The following ADGRL2 variants were observed in gnomAD, a reference collection of about 807,000 sequenced individuals.
The protein encoded by ADGRL2 is adhesion G protein-coupled receptor L2, also known as calcium-independent alpha-latrotoxin receptor 2.
Under a neutral mutation model 157.4 loss-of-function variants are expected in ADGRL2, and 44 were observed. The observed-to-expected ratio is 0.28, with a 90% confidence interval of 0.22 to 0.36. The LOEUF (loss-of-function observed/expected upper bound fraction) is 0.36. Ranked by LOEUF, ADGRL2 falls within the 10% of genes least tolerant of loss-of-function variation. ADGRL2 has a pLI of 1.00. For missense variants in ADGRL2, 1,510 were observed against 1,768.9 expected (o/e 0.85, Z 2.63); for synonymous variants, 585 against 624.7 (o/e 0.94, Z 0.95).
intron 2 of ADGRL2, among the ~76,000 whole-genome samples, chr1:81,446,403 T>C (rs2077598072): frequency 6.6e-6 from 1 of 152,186 alleles, no homozygotes; most frequent in Admixed American, 6.5e-5. Flanking sequence ...CGGATGATTA[T>C]GATCACCATT....
At chr1:81,505,372 C>T (rs1300042001) in intron 2 of ADGRL2, among the ~76,000 whole-genome samples, 1 of 150,972 alleles carries the variant, frequency 6.6e-6, no homozygotes, top group Non-Finnish European at 1.5e-5. Flanking sequence ...GCCAGTATGT[C>T]TTTCTCAGGG....
intron 1 of ADGRL2, among the ~76,000 whole-genome samples, chr1:81,336,020 C>A (rs908134850): frequency 1.3e-5 from 2 of 152,128 alleles, no homozygotes; most frequent in Non-Finnish European, 2.9e-5. Context: ...GTTTTAAGTG[C>A]AAGGCTGCTT....
intron 2 of ADGRL2, among the ~76,000 whole-genome samples, chr1:81,846,987 G>GTTT (rs148126563): frequency 4.0e-4 from 58 of 143,844 alleles, no homozygotes; most frequent in Middle Eastern, 3.6e-3. Context: ...GTGTTTTGTT[G>GTTT]TTTTTTTTTT....
chr1:81,652,528 T>A (rs192907691), intron 3 of ADGRL2, among the ~76,000 whole-genome samples: 15 of 152,328 alleles, frequency 9.8e-5, no homozygotes, highest in Admixed American at 9.1e-4. Context: ...ATATAACTAA[T>A]GTCATCAGAT....
chr1:81,713,467 C>T (rs72941110), intron 1 of ADGRL2, among the ~76,000 whole-genome samples: 1,803 of 152,192 alleles, frequency 0.012, 34 homozygotes, highest in African/African-American at 0.042. Flanking sequence ...TAATATTTAC[C>T]AACAGCCACT....
intron 10 of ADGRL2, 89 bp from the exon 11 acceptor site, chr1:81,955,787 TA>T (rs1653320429): frequency 1.3e-6 from 1 of 748,640 alleles, no homozygotes; most frequent in East Asian, 2.7e-5. Flanking sequence ...TCATGACAGA[TA>T]AATATTACAA....
At chr1:81,381,687 G>A (rs1241801561) in intron 1 of ADGRL2, among the ~76,000 whole-genome samples, 4 of 152,096 alleles carry the variant, frequency 2.6e-5, no homozygotes, top group African/African-American at 9.7e-5. Flanking sequence ...TGTTATTTAT[G>A]TTCTTCTAAT....
At chr1:81,670,226 C>T (rs1472675438) in intron 3 of ADGRL2, among the ~76,000 whole-genome samples, 4 of 152,156 alleles carry the variant, frequency 2.6e-5, no homozygotes, top group African/African-American at 4.8e-5. Flanking sequence ...CTTATTTTCA[C>T]GTGATTCTCC....
intron 2 of ADGRL2, among the ~76,000 whole-genome samples, chr1:81,902,403 G>A (rs1436954274): frequency 6.6e-6 from 1 of 152,156 alleles, no homozygotes; most frequent in Non-Finnish European, 1.5e-5. Context: ...TTTGAGACCA[G>A]CCTGGCCAAC....
intron 6 of ADGRL2, among the ~76,000 whole-genome samples, chr1:81,947,151 C>T (rs1348464021): frequency 6.6e-6 from 1 of 152,056 alleles, no homozygotes; most frequent in Non-Finnish European, 1.5e-5. Context: ...ATAAATAGAG[C>T]TCTATAAAAA....
intron 2 of ADGRL2, among the ~76,000 whole-genome samples, chr1:81,459,195 G>A (rs1184273262): frequency 6.6e-6 from 1 of 152,150 alleles, no homozygotes; most frequent in African/African-American, 2.4e-5. Flanking sequence ...TCTGGTTGTG[G>A]ACTCTATCCA....
intron 1 of ADGRL2, among the ~76,000 whole-genome samples, chr1:81,409,261 G>A (rs919839949): frequency 2.8e-5 from 4 of 144,776 alleles, no homozygotes; most frequent in Non-Finnish European, 4.5e-5. Context: ...GAATATAAAG[G>A]AGACACCTCC....
chr1:81,669,728 G>A (rs1179870420), intron 3 of ADGRL2, among the ~76,000 whole-genome samples: 13 of 152,034 alleles, frequency 8.6e-5, no homozygotes, highest in Admixed American at 2.6e-4. Flanking sequence ...GGATCATGAG[G>A]TCAGGAGATC....
chr1:81,760,069 A>T (rs2085821816), intron 1 of ADGRL2, among the ~76,000 whole-genome samples: 1 of 152,250 alleles, frequency 6.6e-6, no homozygotes, highest in Non-Finnish European at 1.5e-5. Context: ...TTTTTAAATC[A>T]ATGAAGTAGG....
chr1:81,680,960 C>G (rs1281436536), intron 3 of ADGRL2, among the ~76,000 whole-genome samples: 1 of 152,116 alleles, frequency 6.6e-6, no homozygotes, highest in African/African-American at 2.4e-5. Context: ...AATTTTTTGA[C>G]ACACATAGTT....
chr1:81,431,916 A>G (rs941637875), intron 1 of ADGRL2, among the ~76,000 whole-genome samples: 3 of 151,996 alleles, frequency 2.0e-5, no homozygotes, highest in African/African-American at 7.3e-5. Flanking sequence ...TGGGCTTTTT[A>G]CCTCTCTTTA....
chr1:81,315,492 TA>T (rs1282614503), intron 1 of ADGRL2, among the ~76,000 whole-genome samples: 1 of 152,140 alleles, frequency 6.6e-6, no homozygotes, highest in East Asian at 1.9e-4. Context: ...ATCTCCAAAA[TA>T]AAATAGTAAA....
intron 1 of ADGRL2, among the ~76,000 whole-genome samples, chr1:81,377,831 C>T (rs1456676969): frequency 6.6e-6 from 1 of 152,064 alleles, no homozygotes; most frequent in Admixed American, 6.6e-5. Context: ...TGATTTTGTA[C>T]CTAATTTTGA....
At chr1:81,651,634 TAG>T (rs2082421706) in intron 3 of ADGRL2, among the ~76,000 whole-genome samples, 1 of 152,218 alleles carries the variant, frequency 6.6e-6, no homozygotes, top group Non-Finnish European at 1.5e-5. Flanking sequence ...CCTTTAGACC[TAG>T]AGGAGGTTCA....
Sources: allele counts gnomAD v4.1 joint callset (sites outside exome capture counted in the v4.1 genomes callset), GRCh38; gene constraint gnomAD v4.1.1; transcripts MANE v1.5; gene names NCBI Gene and HGNC (gene_info 2026-07-23, HGNC 2026-07-21).